CYFIP2: variants seen among roughly 807,000 people sequenced by gnomAD.
The protein encoded by CYFIP2 is cytoplasmic FMR1-interacting protein 2.
A neutral mutation model predicts 158.7 loss-of-function variants in CYFIP2; 29 were observed. The observed-to-expected ratio is 0.18, with a 90% CI of 0.14 to 0.25. The LOEUF is 0.25. Among genes scored for constraint, CYFIP2 ranks in the 10% least tolerant of loss-of-function variants. The pLI is 1.00. For missense variants in CYFIP2, 852 were observed against 1,639.5 expected (o/e 0.52, Z 8.29); for synonymous variants, 585 against 617.6 (o/e 0.95, Z 0.78).
At chr5:157,298,448 C>T (rs1758431179) in intron 5 of CYFIP2, among the ~76,000 whole-genome samples, 1 of 151,964 alleles carries the variant, frequency 6.6e-6, no homozygotes, top group Non-Finnish European at 1.5e-5. Context: ...TCTCCTGCCT[C>T]AGCCTCCCTC....
Position 157,393,133 on chromosome 5 carries a change from T to C in CYFIP2, c.*133T>C. On this transcript the variant is annotated 3_prime_UTR_variant, in exon 31 of 31. Transcript: ENST00000620254. ...GGAAACAAGCACCTCCCCAAACACA[T>C]CACCACTCCCTAGGGCGGGGCCTGT... is the stretch of plus-strand genomic sequence containing the variant. 2.1e-6 allele frequency: 2 copies of C among 954,986 alleles called. No homozygotes were observed. The highest frequency in any genetic ancestry group is 1.7e-5 in the South Asian group (1 of 57,480). The allele number at this position is 954,986 out of a possible 1,614,324, so 59.2% of individuals were successfully genotyped here. A position where few individuals can be genotyped will look rare whatever the true frequency, so the allele number is the denominator to read the frequency against.
chr5:157,279,603 G>T (rs1445417666), intron 1 of CYFIP2, among the ~76,000 whole-genome samples: 1 of 152,114 alleles, frequency 6.6e-6, no homozygotes, highest in Non-Finnish European at 1.5e-5. Context: ...TGTGCCCAAT[G>T]TTATTATTAC....
chr5:157,390,118 GGTTTGAAATGGCC>G (rs1561794225), intron 29 of CYFIP2, among the ~76,000 whole-genome samples: 1 of 152,246 alleles, frequency 6.6e-6, no homozygotes, highest in East Asian at 1.9e-4. Context: ...TTGGCCTCCT[GGTTTGAAATGGCC>G]CCTCACCTGC....
intron 26 of CYFIP2, among the ~76,000 whole-genome samples, chr5:157,368,813 C>T (rs1764684201): frequency 6.6e-6 from 1 of 151,814 alleles, no homozygotes; most frequent in South Asian, 2.1e-4. Context: ...GCACTGTTCA[C>T]CACCCACCTG....
chr5:157,319,870 G>T lies in CYFIP2; in HGVS notation c.1465G>T (p.Val489Leu), dbSNP rs763089939. 5 of 1,613,950 alleles carry T rather than the reference G, an allele frequency of 3.1e-6. No homozygotes were observed. The African/African-American group carries it at 4.0e-5, about 13-fold the overall frequency. ...CGCGGCATTGCAGGACTTCGCCCAG[G>T]TGACGCTGCGTGAGCCCCTGCGGCA... Reference protein sequence around the residue: ...IYAALQDFAQVTLREPLRQAV... With the variant: ...IYAALQDFAQLTLREPLRQAV... Residue 489 changes from valine (V) to leucine (L), a missense_variant, in exon 14 of 31, where the codon GTG becomes TTG. Coordinates refer to ENST00000620254, the MANE Select transcript of CYFIP2 (RefSeq NM_001037333.3).
chr5:157,271,893 A>T (rs1312145938), intron 1 of CYFIP2, among the ~76,000 whole-genome samples: 1 of 152,138 alleles, frequency 6.6e-6, no homozygotes, highest in African/African-American at 2.4e-5. Context: ...TGCATCTGAG[A>T]GGCAGCTCCT....
chr5:157,304,230 C>T lies in CYFIP2; in HGVS notation c.667-8C>T, dbSNP rs759297156. 1.2e-6 allele frequency: 2 copies of T among 1,611,418 alleles called. No homozygotes were observed. The highest frequency in any genetic ancestry group is 1.7e-5 in the Admixed American group (1 of 59,828). ...GCTGCCTAACCTGAGGGTGGCGCTG[C>T]TGTTCAGTGTCTCCACCAGCAACTT... On this transcript the variant is annotated splice_region_variant and splice_polypyrimidine_tract_variant and intron_variant, in intron 7 of 30. Coordinates refer to ENST00000620254, the MANE Select transcript of CYFIP2 (RefSeq NM_001037333.3).
intron 9 of CYFIP2, among the ~76,000 whole-genome samples, chr5:157,309,240 C>G (rs1759503073): frequency 6.6e-6 from 1 of 152,204 alleles, no homozygotes; most frequent in Non-Finnish European, 1.5e-5. Flanking sequence ...ATACCAGCCT[C>G]CCCGCCATTT....
chr5:157,330,240 A>ATGTGTGTGTGTGTGTGTGTG (rs58447290), intron 19 of CYFIP2, among the ~76,000 whole-genome samples: 1 of 144,324 alleles, frequency 6.9e-6, no homozygotes, highest in Admixed American at 6.9e-5. Context: ...GAGATTTAAA[A>ATGTGTGTGTGTGTGTGTGTG]TGTGTGTGTG....
intron 26 of CYFIP2, chr5:157,364,787 A>AT (rs1180946147): frequency 6.6e-6 from 1 of 152,136 alleles, no homozygotes; most frequent in African/African-American, 2.4e-5. Context: ...AAATTTTTAA[A>AT]TGACATACCA....
chr5:157,378,545 T>A (rs1208186346), intron 26 of CYFIP2, among the ~76,000 whole-genome samples: 1 of 152,228 alleles, frequency 6.6e-6, no homozygotes, highest in African/African-American at 2.4e-5. Context: ...TTCCCAAGGC[T>A]TTGGCTGCAT....
intron 16 of CYFIP2, 127 bp downstream of exon 16, chr5:157,324,201 C>A (rs1408688588): frequency 2.6e-6 from 3 of 1,144,446 alleles, no homozygotes; most frequent in Non-Finnish European, 3.5e-6. Context: ...CATATCACCA[C>A]CAAGGAAAAA....
At chr5:157,342,908 CT>C (rs778842992) in intron 23 of CYFIP2, 38 of 1,614,012 alleles carry the variant, frequency 2.4e-5, no homozygotes, top group Non-Finnish European at 3.0e-5. Context: ...ACCACCCCCC[CT>C]CTGTAAGGCA....
intron 1 of CYFIP2, among the ~76,000 whole-genome samples, chr5:157,282,535 T>C (rs1287218984): frequency 1.3e-5 from 2 of 152,266 alleles, no homozygotes; most frequent in Admixed American, 1.3e-4. Context: ...CAGTTTTTGC[T>C]ATCACAAGTA....
intron 4 of CYFIP2, chr5:157,296,422 C>T: frequency 2.2e-6 from 1 of 461,254 alleles, no homozygotes; most frequent in South Asian, 1.7e-5. Flanking sequence ...AGTGAGACAC[C>T]ATCCCTACAC....
At chr5:157,296,432 C>T in intron 4 of CYFIP2, 1 of 484,760 alleles carries the variant, frequency 2.1e-6, no homozygotes, top group South Asian at 1.6e-5. Flanking sequence ...CATCCCTACA[C>T]CAACTACAAA....
intron 19 of CYFIP2, among the ~76,000 whole-genome samples, chr5:157,328,928 C>T (rs749004544): frequency 1.6e-4 from 25 of 152,178 alleles, no homozygotes; most frequent in Non-Finnish European, 4.4e-5. Flanking sequence ...CCTGTAACAG[C>T]ATTGATCGAG....
Position 157,359,061 on chromosome 5 carries a change from A to G in CYFIP2, c.2730A>G (p.Pro910=), listed in dbSNP as rs1763617652. ...IYSSYRNFVG[P]PHFKTICRLL... Reference sequence around the variant, plus strand: ...GCTCCTACAGGAATTTCGTGGGGCCACCTCATTTCAAGACTATCTGCAGAC... The same window carrying G: ...GCTCCTACAGGAATTTCGTGGGGCCGCCTCATTTCAAGACTATCTGCAGAC... The change falls in exon 24 of 31, where the codon CCA becomes CCG. Residue 910 remains proline (P), a synonymous_variant. Coordinates refer to ENST00000620254, the MANE Select transcript of CYFIP2 (RefSeq NM_001037333.3). 1 of 1,613,954 alleles carries G rather than the reference A, an allele frequency of 6.2e-7. No homozygotes were observed. The highest frequency in any genetic ancestry group is 1.3e-5 in the African/African-American group (1 of 75,024).
intron 23 of CYFIP2, among the ~76,000 whole-genome samples, chr5:157,349,455 G>T (rs898059244): frequency 6.6e-6 from 1 of 152,158 alleles, no homozygotes; most frequent in Non-Finnish European, 1.5e-5. Flanking sequence ...TTATTTCATT[G>T]CTTTTTATGG....
Sources: gnomAD v4.1 joint callset for allele counts (sites outside exome capture counted in the v4.1 genomes callset) on GRCh38, gnomAD v4.1.1 for gene constraint, MANE v1.5 for transcripts, NCBI Gene and HGNC (gene_info 2026-07-23, HGNC 2026-07-21) for gene names.